Variants in CYP2B6 observed in about 807,000 individuals in gnomAD.
CYP2B6 encodes the protein cytochrome P450 family 2 subfamily B member 6.
CYP2B6 carries 35 observed loss-of-function variants against 43.4 expected under a neutral mutation model. The ratio of observed to expected loss-of-function variants is 0.81; its 90% confidence interval spans 0.62 to 1.07. CYP2B6 has a LOEUF of 1.07. CYP2B6 is among the 50% of genes least tolerant of loss of function. The pLI is 0.00. For synonymous variants in CYP2B6, 239 were observed against 239.2 expected (o/e 1.00, Z 0.01); for missense variants, 624 against 632.8 (o/e 0.99, Z 0.15).
At chr19:41,005,910 G>A (rs1969174727) in intron 3 of CYP2B6, among the ~76,000 whole-genome samples, 1 of 152,094 alleles carries the variant, frequency 6.6e-6, no homozygotes, top group African/African-American at 2.4e-5. Flanking sequence ...GACAGACAAA[G>A]CTTAGGAAAA....
chr19:40,993,391 A>G (rs1968951622), intron 1 of CYP2B6, among the ~76,000 whole-genome samples: 2 of 152,136 alleles, frequency 1.3e-5, no homozygotes, highest in Non-Finnish European at 2.9e-5. Flanking sequence ...CAAAAGGTGA[A>G]TGAGAAGCAG....
chr19:41,006,764 T>C, intron 3 of CYP2B6, 141 bp from the exon 4 acceptor site: 3 of 778,464 alleles, frequency 3.9e-6, no homozygotes, highest in Middle Eastern at 3.6e-4. Flanking sequence ...ACGCGTGACG[T>C]GCTGGTACAT....
intron 1 of CYP2B6, among the ~76,000 whole-genome samples, chr19:41,000,649 T>C (rs1329625762): frequency 3.3e-5 from 5 of 152,180 alleles, no homozygotes; most frequent in African/African-American, 1.2e-4. Flanking sequence ...CTCACTAGAC[T>C]AATGTGTCTA....
chr19:40,997,779 G>A (rs1379287611), intron 1 of CYP2B6, among the ~76,000 whole-genome samples: 2 of 152,012 alleles, frequency 1.3e-5, no homozygotes, highest in African/African-American at 2.4e-5. Context: ...GATTAGATAA[G>A]ATGTTGTTTG....
intron 1 of CYP2B6, among the ~76,000 whole-genome samples, chr19:41,002,442 G>A (rs749540554): frequency 6.6e-6 from 1 of 152,142 alleles, no homozygotes; most frequent in African/African-American, 2.4e-5. Context: ...TGCAGGCCAA[G>A]TAGCAAGAAT....
rs1329094054 is a variant in CYP2B6, at chr19:40,993,484, G to A, written c.171+2008G>A. Among the ~76,000 whole-genome samples the A allele has an allele frequency of 2.0e-5, 3 of 152,108 alleles. No individual in the cohort carries two copies. In the East Asian group the frequency reaches 5.8e-4, roughly 29 times the overall value. On this transcript the variant is annotated intron_variant, in intron 1 of 8. Coordinates refer to ENST00000324071, the MANE Select transcript of CYP2B6 (RefSeq NM_000767.5). ...GCAGGAAAAAGAGAGAGAGCCAAGGGGGAAGAGCCTCTTATAAAACCATCA... is the reference window on the plus strand; with the variant it reads ...GCAGGAAAAAGAGAGAGAGCCAAGGAGGAAGAGCCTCTTATAAAACCATCA...
intron 7 of CYP2B6, 86 bp downstream of exon 7, chr19:41,012,571 T>C (rs1428505636): frequency 1.2e-6 from 2 of 1,608,154 alleles, no homozygotes; most frequent in Non-Finnish European, 1.7e-6. Context: ...GTTAGCTCCT[T>C]AATTGAGTCC....
At chr19:40,998,138 A>G (rs1969024648) in intron 1 of CYP2B6, among the ~76,000 whole-genome samples, 1 of 152,068 alleles carries the variant, frequency 6.6e-6, no homozygotes, top group African/African-American at 2.4e-5. Context: ...GAGTGATAAC[A>G]TTTAGGAACG....
chr19:41,008,808 A>G (rs1969233834), intron 4 of CYP2B6, among the ~76,000 whole-genome samples: 1 of 152,190 alleles, frequency 6.6e-6, no homozygotes. Context: ...ACATGTCAGC[A>G]GGCTTATCTT....
intron 1 of CYP2B6, among the ~76,000 whole-genome samples, chr19:40,992,805 C>G (rs1206771096): frequency 6.6e-6 from 1 of 152,082 alleles, no homozygotes; most frequent in Admixed American, 6.5e-5. Context: ...CATGTGTGAG[C>G]CACCGCACCC....
chr19:41,003,568 T>G (rs1234251315), intron 1 of CYP2B6, among the ~76,000 whole-genome samples: 2 of 152,146 alleles, frequency 1.3e-5, no homozygotes, highest in East Asian at 3.8e-4. Flanking sequence ...TTCATCGTAT[T>G]TTATCAACCA....
At chr19:41,013,023 G>A (rs184078964) in intron 8 of CYP2B6, 2 of 629,218 alleles carry the variant, frequency 3.2e-6, no homozygotes, top group African/African-American at 3.7e-5. Context: ...TGGCAAGCAG[G>A]ACCTTGGGCA....
At chr19:40,997,292 T>C (rs1383757921) in intron 1 of CYP2B6, among the ~76,000 whole-genome samples, 1 of 151,914 alleles carries the variant, frequency 6.6e-6, no homozygotes, top group Admixed American at 6.6e-5. Context: ...CTGCTTACCA[T>C]GCCTGATTTT....
intron 1 of CYP2B6, among the ~76,000 whole-genome samples, chr19:40,996,202 T>G (rs750726454): frequency 5.3e-5 from 8 of 152,114 alleles, no homozygotes; most frequent in Admixed American, 5.2e-4. Context: ...TTAACTTGAA[T>G]GTAAGGTGTG....
At chr19:41,000,227 C>A (rs1969063686) in intron 1 of CYP2B6, among the ~76,000 whole-genome samples, 1 of 152,118 alleles carries the variant, frequency 6.6e-6, no homozygotes, top group Non-Finnish European at 1.5e-5. Flanking sequence ...CTCTCATACA[C>A]CAGCTGCCCC....
intron 1 of CYP2B6, among the ~76,000 whole-genome samples, chr19:41,000,486 C>G (rs1030837311): frequency 7.2e-5 from 11 of 152,144 alleles, no homozygotes; most frequent in African/African-American, 2.4e-4. Flanking sequence ...CTGCCTGGCC[C>G]TCAGTAGGGG....
At chr19:40,993,275 C>T (rs1304325104) in intron 1 of CYP2B6, among the ~76,000 whole-genome samples, 1 of 152,118 alleles carries the variant, frequency 6.6e-6, no homozygotes, top group African/African-American at 2.4e-5. Context: ...CATTCTCACA[C>T]TGTTATAAAG....
rs140868874 is a variant in CYP2B6, at chr19:41,016,477, G to T, written c.1295-169G>T. 8.6e-3 allele frequency among the ~76,000 whole-genome samples: 1,238 copies of T among 143,586 alleles called. 9 individuals are homozygous for T. Among genetic ancestry groups the T allele is most frequent in the Middle Eastern group, 0.045 (12 of 268 alleles). 94.2% of individuals were successfully genotyped at this position (143,586 alleles called of 152,430 possible). On this transcript the variant is annotated intron_variant, in intron 8 of 8. Coordinates refer to ENST00000324071, the MANE Select transcript of CYP2B6 (RefSeq NM_000767.5). ...ACGTGGCACATCCACTCAAAGATTT[G>T]CATCTGGTTTCAGAGCAGCTTCCTA...
chr19:41,016,433 A>AAAAAGAGAG (rs1568564700), intron 8 of CYP2B6, among the ~76,000 whole-genome samples: 1 of 98,994 alleles, frequency 1.0e-5, no homozygotes, highest in African/African-American at 4.2e-5. Context: ...AAAAAAAAAA[A>AAAAAGAGAG]AGAGAGAGAG....
Sources: gnomAD v4.1 joint callset for allele counts (sites outside exome capture counted in the v4.1 genomes callset) on GRCh38, gnomAD v4.1.1 for gene constraint, MANE v1.5 for transcripts, NCBI Gene and HGNC (gene_info 2026-07-23, HGNC 2026-07-21) for gene names.